Variants in CHN2 observed in about 807,000 individuals in gnomAD.
The protein encoded by CHN2 is beta-chimaerin.
A neutral mutation model predicts 56.3 loss-of-function variants in CHN2; 35 were observed. The observed-to-expected ratio is 0.62, with a 90% CI of 0.47 to 0.82. CHN2 has a LOEUF of 0.82. CHN2 is among the 40% of genes least tolerant of loss of function. The pLI is 0.00. For missense variants in CHN2, 491 were observed against 580.5 expected, an observed-to-expected ratio of 0.85 and a Z score of 1.58; for synonymous variants, 210 against 212.8, an observed-to-expected ratio of 0.99 and a Z score of 0.12.
intron 6 of CHN2, among the ~76,000 whole-genome samples, chr7:29,431,824 C>A (rs1385014083): frequency 6.6e-6 from 1 of 152,192 alleles, no homozygotes; most frequent in Non-Finnish European, 1.5e-5. Flanking sequence ...TCAGCCCCTG[C>A]TTTTCCAACA....
At chr7:29,396,776 C>A (rs1223776061) in intron 4 of CHN2, 1 of 143,322 alleles carries the variant, frequency 7.0e-6, no homozygotes, top group South Asian at 2.3e-4. Context: ...GCCCCCAGGG[C>A]TCTTTGCCCA....
intron 2 of CHN2, among the ~76,000 whole-genome samples, chr7:29,178,796 G>C (rs778887594): frequency 2.6e-5 from 4 of 152,108 alleles, no homozygotes; most frequent in Non-Finnish European, 5.9e-5. Flanking sequence ...TATGAAAAAT[G>C]ACTTAAATCC....
At chr7:29,271,447 G>A (rs989160509) in intron 1 of CHN2, among the ~76,000 whole-genome samples, 12 of 152,156 alleles carry the variant, frequency 7.9e-5, no homozygotes, top group African/African-American at 2.7e-4. Flanking sequence ...GTCCCTTTCC[G>A]TTTCTCAGAC....
intron 1 of CHN2, among the ~76,000 whole-genome samples, chr7:29,225,987 T>C (rs779613039): frequency 3.9e-5 from 6 of 152,196 alleles, no homozygotes; most frequent in African/African-American, 7.2e-5. Context: ...CACAGAAAGA[T>C]TACTTATCTT....
chr7:29,299,320 T>C (rs113946023), intron 1 of CHN2, among the ~76,000 whole-genome samples: 8 of 152,220 alleles, frequency 5.3e-5, no homozygotes, highest in Non-Finnish European at 1.2e-4. Context: ...TCTGGTTTCA[T>C]TGAAATCTTG....
At chr7:29,293,362 G>A (rs1584981247) in intron 1 of CHN2, among the ~76,000 whole-genome samples, 1 of 53,116 alleles carries the variant, frequency 1.9e-5, no homozygotes, top group East Asian at 9.0e-4. Flanking sequence ...GGCAGCTAAT[G>A]CCCCCCCCCC....
intron 1 of CHN2, among the ~76,000 whole-genome samples, chr7:29,323,308 A>G (rs1241484432): frequency 2.0e-5 from 3 of 152,228 alleles, no homozygotes; most frequent in South Asian, 4.1e-4. Context: ...TGCTCACTCA[A>G]CTTTCTTCAG....
At chr7:29,489,267 A>C (rs1001852418) in intron 7 of CHN2, among the ~76,000 whole-genome samples, 4 of 152,210 alleles carry the variant, frequency 2.6e-5, no homozygotes, top group East Asian at 3.9e-4. Flanking sequence ...AATTCCAGGC[A>C]GACCGTGCCT....
chr7:29,178,036 A>T (rs1250812111), intron 2 of CHN2, among the ~76,000 whole-genome samples: 1 of 152,040 alleles, frequency 6.6e-6, no homozygotes. Flanking sequence ...CACCTTGATG[A>T]TTGTTTATCT....
chr7:29,424,344 G>GT (rs948028186), intron 6 of CHN2, among the ~76,000 whole-genome samples: 8 of 151,616 alleles, frequency 5.3e-5, no homozygotes, highest in Admixed American at 1.3e-4. Context: ...GATCTCCCCA[G>GT]TTTTTTTTTA....
intron 1 of CHN2, among the ~76,000 whole-genome samples, chr7:29,304,136 A>C (rs1793947491): frequency 6.6e-6 from 1 of 152,198 alleles, no homozygotes; most frequent in Admixed American, 6.5e-5. Flanking sequence ...AGAGGGACAA[A>C]ATGAAAAACA....
At chr7:29,348,025 T>G (rs182261264) in intron 1 of CHN2, among the ~76,000 whole-genome samples, 2 of 152,328 alleles carry the variant, frequency 1.3e-5, no homozygotes, top group East Asian at 3.9e-4. Flanking sequence ...TTGGGAACTT[T>G]CTACAGTGTA....
chr7:29,189,471 G>C (rs1247863326), intron 2 of CHN2, among the ~76,000 whole-genome samples: 3 of 152,082 alleles, frequency 2.0e-5, no homozygotes, highest in African/African-American at 7.2e-5. Context: ...CTCACTCCCT[G>C]CTTTTGCCCA....
chr7:29,473,480 TTTTG>T (rs1302203954), intron 6 of CHN2, among the ~76,000 whole-genome samples: 32 of 130,908 alleles, frequency 2.4e-4, no homozygotes, highest in Non-Finnish European at 5.0e-4. Flanking sequence ...GTTTTTTTTT[TTTTG>T]TGTGTGTGTG....
At chr7:29,166,472 CGTTT>C (rs138471755) in intron 2 of CHN2, among the ~76,000 whole-genome samples, 4,525 of 151,930 alleles carry the variant, frequency 0.03, 244 homozygotes, top group African/African-American at 0.1. Flanking sequence ...TTTGTTTGTT[CGTTT>C]GTTTGTTTTA....
At chr7:29,379,329 G>T (rs1052834908) in intron 3 of CHN2, among the ~76,000 whole-genome samples, 9 of 152,184 alleles carry the variant, frequency 5.9e-5, no homozygotes, top group African/African-American at 2.2e-4. Context: ...AGGGGTGCGT[G>T]GGATCTGTTT....
rs556726398 is a variant in CHN2, at chr7:29,231,418, T to C, written c.49+36428T>C. Reference sequence around the variant, plus strand: ...ATCATTTTTGTATAAAAGGACAGTCTTATCTACGTATCTGTCTTTACCGCA... The same window carrying C: ...ATCATTTTTGTATAAAAGGACAGTCCTATCTACGTATCTGTCTTTACCGCA... On this transcript the variant is annotated intron_variant, in intron 1 of 12. Coordinates refer to ENST00000222792, the MANE Select transcript of CHN2 (RefSeq NM_004067.4). Among the ~76,000 whole-genome samples, 49 of 152,324 alleles carry C rather than the reference T, an allele frequency of 3.2e-4. 1 individual carries two copies. In the South Asian group the frequency reaches 8.5e-3, roughly 26 times the overall value.
At chr7:29,268,906 C>T (rs919180940) in intron 1 of CHN2, among the ~76,000 whole-genome samples, 3 of 151,960 alleles carry the variant, frequency 2.0e-5, no homozygotes, top group Non-Finnish European at 2.9e-5. Context: ...TTGACTTTAG[C>T]ATTTTAATTT....
intron 2 of CHN2, among the ~76,000 whole-genome samples, chr7:29,177,534 A>G (rs245913): frequency 0.67 from 101,903 of 151,114 alleles, 35,291 homozygotes; most frequent in East Asian, 0.99. Context: ...GATTACAGGC[A>G]TGACCCACCG....
Sources: allele counts gnomAD v4.1 joint callset (sites outside exome capture counted in the v4.1 genomes callset), GRCh38; gene constraint gnomAD v4.1.1; transcripts MANE v1.5; gene names NCBI Gene and HGNC (gene_info 2026-07-23, HGNC 2026-07-21).